FBXO4: variants seen among roughly 807,000 people sequenced by gnomAD.
The protein encoded by FBXO4 is F-box protein 4.
A neutral mutation model predicts 43.7 loss-of-function variants in FBXO4; 36 were observed. The ratio of observed to expected loss-of-function variants is 0.82; its 90% CI spans 0.63 to 1.09. The LOEUF is 1.09. Ranked by LOEUF, FBXO4 falls within the 50% of genes least tolerant of loss-of-function variation. The pLI is 0.00. For synonymous variants in FBXO4, 180 were observed against 165.6 expected, an observed-to-expected ratio of 1.09 and a Z score of -0.67; for missense variants, 435 against 474.1, an observed-to-expected ratio of 0.92 and a Z score of 0.77.
the FBXO4 span, among the ~76,000 whole-genome samples, chr5:42,020,441 A>G: frequency 1.3e-5 from 2 of 152,234 alleles, no homozygotes; most frequent in Admixed American, 6.6e-5. Context: ...AGAGGGTAAC[A>G]TGATAGAAAC....
At chr5:42,032,059 G>C in the FBXO4 span, among the ~76,000 whole-genome samples, 1 of 34,520 alleles carries the variant, frequency 2.9e-5, no homozygotes, top group Non-Finnish European at 5.6e-5. Context: ...CTTTTTTTCT[G>C]TGTGTGTGTG....
chr5:41,936,792 A>G (rs1014000287), intron 5 of FBXO4, among the ~76,000 whole-genome samples: 2 of 152,158 alleles, frequency 1.3e-5, no homozygotes, highest in Non-Finnish European at 2.9e-5. Flanking sequence ...AAGAGCAAGG[A>G]ACAGAGTGAG....
the FBXO4 span, among the ~76,000 whole-genome samples, chr5:42,002,634 T>C: frequency 5.3e-5 from 8 of 152,296 alleles, no homozygotes; most frequent in Admixed American, 2.0e-4. Flanking sequence ...CTGTGTTAAA[T>C]AACGTTTTTT....
At chr5:42,010,353 A>G in the FBXO4 span, among the ~76,000 whole-genome samples, 1 of 151,970 alleles carries the variant, frequency 6.6e-6, no homozygotes, top group Admixed American at 6.6e-5. Flanking sequence ...CAAAAGAAAA[A>G]AAAACTTAGC....
At position 41,940,482 on chromosome 5, in the gene FBXO4, G is replaced by A. The variant is rs894683194; in HGVS notation, c.1075-710G>A. Among the ~76,000 whole-genome samples the A allele has an allele frequency of 4.6e-5, 7 of 152,006 alleles. No individual in the cohort carries two copies. In the East Asian group the frequency reaches 1.2e-3, roughly 25 times the overall value. The stretch of plus-strand genomic sequence containing the variant: ...TCACCATGTTGGCCAGGCTGGTCCC[G>A]GATTCCTGGCTTCAAGTGATCCACC... On this transcript the variant is annotated intron_variant, in intron 6 of 6. Coordinates refer to ENST00000281623, the MANE Select transcript of FBXO4 (RefSeq NM_012176.3).
At chr5:41,925,543 G>A in intron 1 of FBXO4, 45 bp downstream of exon 1, 1 of 1,277,718 alleles carries the variant, frequency 7.8e-7, no homozygotes, top group Non-Finnish European at 1.0e-6. Flanking sequence ...GGCCGGCCCG[G>A]GCCGGAGGGA....
chr5:42,006,887 G>GATATATAT, the FBXO4 span, among the ~76,000 whole-genome samples: 3,752 of 78,926 alleles, frequency 0.048, 227 homozygotes, highest in Non-Finnish European at 0.059. Context: ...GGTTCATGCT[G>GATATATAT]ATATATATAT....
the FBXO4 span, among the ~76,000 whole-genome samples, chr5:42,035,062 A>G: frequency 6.6e-6 from 1 of 151,304 alleles, no homozygotes; most frequent in African/African-American, 2.4e-5. Flanking sequence ...ATTCCTAGGT[A>G]TTTTATTCTC....
At chr5:42,006,608 T>C in the FBXO4 span, among the ~76,000 whole-genome samples, 1 of 151,794 alleles carries the variant, frequency 6.6e-6, no homozygotes, top group East Asian at 1.9e-4. Context: ...TCAAGTAATG[T>C]GTAAATATGA....
chr5:42,031,854 C>T, the FBXO4 span, among the ~76,000 whole-genome samples: 1 of 151,878 alleles, frequency 6.6e-6, no homozygotes, highest in Non-Finnish European at 1.5e-5. Context: ...TTCGGTAAGA[C>T]TTGAGTGCTG....
chr5:42,030,144 G>A, the FBXO4 span, among the ~76,000 whole-genome samples: 7 of 152,050 alleles, frequency 4.6e-5, no homozygotes, highest in East Asian at 1.9e-4. Flanking sequence ...AGCCCACATC[G>A]CCAAGTCAAT....
chr5:41,953,170 C>T, the FBXO4 span, among the ~76,000 whole-genome samples: 1 of 151,630 alleles, frequency 6.6e-6, no homozygotes, highest in Non-Finnish European at 1.5e-5. Flanking sequence ...CAACAGTCCC[C>T]AGAGTGTGAT....
chr5:41,968,490 AAAG>A, the FBXO4 span: 1 of 152,342 alleles, frequency 6.6e-6, no homozygotes, highest in Non-Finnish European at 1.5e-5. Context: ...GTTCCGCAGA[AAAG>A]TAGTATTAAT....
chr5:41,926,064 GAC>G (rs1239982664), intron 1 of FBXO4, among the ~76,000 whole-genome samples: 2 of 152,154 alleles, frequency 1.3e-5, no homozygotes, highest in East Asian at 3.9e-4. Flanking sequence ...CCACGAGAAT[GAC>G]ACACATAACT....
the FBXO4 span, among the ~76,000 whole-genome samples, chr5:42,015,540 A>T: frequency 6.6e-6 from 1 of 152,118 alleles, no homozygotes; most frequent in East Asian, 1.9e-4. Context: ...TCTAAATCCA[A>T]ATTTAGTTTC....
At chr5:41,984,995 A>C in the FBXO4 span, among the ~76,000 whole-genome samples, 1 of 152,122 alleles carries the variant, frequency 6.6e-6, no homozygotes, top group African/African-American at 2.4e-5. Context: ...ACTTCTATCT[A>C]CCCTACTTCT....
At chr5:41,967,199 CTT>C in the FBXO4 span, 2 of 473,030 alleles carry the variant, frequency 4.2e-6, no homozygotes. Context: ...AGCCTCAGCA[CTT>C]TTTTTTTGTG....
the FBXO4 span, among the ~76,000 whole-genome samples, chr5:41,972,745 G>A: frequency 2.0e-5 from 3 of 151,954 alleles, no homozygotes; most frequent in African/African-American, 4.8e-5. Context: ...CCAATGGAAC[G>A]AGCTAGAAAA....
chr5:41,954,486 A>G, the FBXO4 span, among the ~76,000 whole-genome samples: 1 of 152,208 alleles, frequency 6.6e-6, no homozygotes, highest in Non-Finnish European at 1.5e-5. Context: ...TCCTCAAAGC[A>G]GCACCCCTGA....
Sources: gnomAD v4.1 joint callset for allele counts (sites outside exome capture counted in the v4.1 genomes callset) on GRCh38, gnomAD v4.1.1 for gene constraint, MANE v1.5 for transcripts, NCBI Gene and HGNC (gene_info 2026-07-23, HGNC 2026-07-21) for gene names.